CREM: variants seen among roughly 807,000 people sequenced by gnomAD.
CREM encodes the protein cAMP responsive element modulator.
Under a neutral mutation model 37.3 loss-of-function variants are expected in CREM, and 13 were observed. The observed-to-expected ratio is 0.35, with a 90% confidence interval of 0.23 to 0.55. The LOEUF (loss-of-function observed/expected upper bound fraction) is 0.55, where lower values mean the gene tolerates loss of function less well. Among genes scored for constraint, CREM ranks in the 20% least tolerant of loss-of-function variants. The pLI is 0.88. For synonymous variants in CREM, 124 were observed against 120.2 expected (o/e 1.03, Z -0.21); for missense variants, 296 against 362.3 (o/e 0.82, Z 1.49).
chr10:35,155,437 T>G (rs1252435097), intron 3 of CREM, among the ~76,000 whole-genome samples: 1 of 152,120 alleles, frequency 6.6e-6, no homozygotes, highest in East Asian at 1.9e-4. Context: ...TAGATCTGAT[T>G]AACAATAATG....
intron 5 of CREM, among the ~76,000 whole-genome samples, chr10:35,182,571 A>C (rs949616136): frequency 6.6e-6 from 1 of 152,208 alleles, no homozygotes; most frequent in Non-Finnish European, 1.5e-5. Flanking sequence ...TGTGTATCAA[A>C]GTTGAAGAAA....
At chr10:35,150,779 C>A (rs189391344) in intron 3 of CREM, among the ~76,000 whole-genome samples, 47 of 152,158 alleles carry the variant, frequency 3.1e-4, no homozygotes, top group African/African-American at 1.1e-3. Context: ...CAAGTTGGAG[C>A]CACTTCACTC....
rs60898349 is a variant in CREM at position 35,165,056 on chromosome 10, C to CAAA, written c.169-13813_169-13811dup. 2.0e-3 allele frequency among the ~76,000 whole-genome samples: 152 copies of CAAA among 74,874 alleles called. 1 individual carries two copies. The highest frequency in any genetic ancestry group is 6.2e-3 in the African/African-American group (116 of 18,820). 49.1% of individuals were successfully genotyped at this position (74,874 alleles called of 152,430 possible). A position where few individuals can be genotyped will look rare whatever the true frequency, so the allele number is the denominator to read the frequency against. ...TGGGCCACAGAGCGAGGCTCCATCT[C>CAAA]AAAAAAAAAAAAAAAAAAAAAAGAA... On this transcript the variant is annotated intron_variant, in intron 3 of 7. Transcript: ENST00000685392.
chr10:35,186,869 A>G (rs1182324355), intron 5 of CREM, among the ~76,000 whole-genome samples: 21 of 103,728 alleles, frequency 2.0e-4, no homozygotes, highest in African/African-American at 5.8e-4. Context: ...ATATAATTAT[A>G]TATTATATAT....
chr10:35,169,273 T>C (rs1262636853), intron 3 of CREM, among the ~76,000 whole-genome samples: 1 of 152,198 alleles, frequency 6.6e-6, no homozygotes, highest in African/African-American at 2.4e-5. Context: ...TTTTATTTCA[T>C]TGAGCAGTGG....
chr10:35,203,716 T>C (rs2095444415), intron 6 of CREM, among the ~76,000 whole-genome samples: 1 of 145,178 alleles, frequency 6.9e-6, no homozygotes, highest in South Asian at 2.2e-4. Flanking sequence ...AAGTAAAAAG[T>C]TTTTTTTTTT....
rs754678591 is a variant in CREM at position 35,211,752 on chromosome 10, A to G, written c.*354A>G. The G allele has an allele frequency of 3.1e-6, 5 of 1,614,028 alleles. 1 individual carries two copies. In the South Asian group the frequency reaches 4.4e-5, roughly 14 times the overall value. ...TGGAAGTCCAGAACAAGAAGCTTAT[A>G]GAGGAACTTGAAACCTTGAAAGACA... On this transcript the variant is annotated 3_prime_UTR_variant, in exon 8 of 8. Transcript: ENST00000685392.
At chr10:35,201,281 G>T (rs868476663) in intron 6 of CREM, among the ~76,000 whole-genome samples, 2 of 152,174 alleles carry the variant, frequency 1.3e-5, no homozygotes, top group South Asian at 4.1e-4. Flanking sequence ...CTAATATACG[G>T]TATAAGCATA....
At chr10:35,145,586 G>A (rs1038018539) in intron 2 of CREM, among the ~76,000 whole-genome samples, 4 of 152,072 alleles carry the variant, frequency 2.6e-5, no homozygotes, top group Non-Finnish European at 5.9e-5. Context: ...TTGAAGACCA[G>A]CGTGGCCAAC....
At chr10:35,172,677 C>G (rs1271346172) in intron 3 of CREM, among the ~76,000 whole-genome samples, 1 of 151,478 alleles carries the variant, frequency 6.6e-6, no homozygotes, top group Non-Finnish European at 1.5e-5. Flanking sequence ...TTTTGATATT[C>G]TGTGTCCTGA....
intron 1 of CREM, among the ~76,000 whole-genome samples, chr10:35,132,472 C>A (rs1002590109): frequency 1.3e-5 from 2 of 152,114 alleles, no homozygotes; most frequent in African/African-American, 4.8e-5. Flanking sequence ...TAACAGGTGT[C>A]TCAGGCAATT....
At chr10:35,159,467 A>G (rs2093154518) in intron 3 of CREM, among the ~76,000 whole-genome samples, 1 of 152,246 alleles carries the variant, frequency 6.6e-6, no homozygotes, top group South Asian at 2.1e-4. Context: ...TGGCAGGACC[A>G]CACAATGGGG....
At chr10:35,129,791 T>C (rs1053947513) in intron 1 of CREM, among the ~76,000 whole-genome samples, 3 of 152,254 alleles carry the variant, frequency 2.0e-5, no homozygotes, top group African/African-American at 7.2e-5. Context: ...ATACCGAATT[T>C]TATTGTTTCT....
chr10:35,132,187 C>CT (rs1270760962), intron 1 of CREM, among the ~76,000 whole-genome samples: 2 of 127,794 alleles, frequency 1.6e-5, no homozygotes, highest in Admixed American at 2.0e-4. Flanking sequence ...GGTGATAGAG[C>CT]GAGACTTGAG....
intron 1 of CREM, among the ~76,000 whole-genome samples, chr10:35,136,742 A>T (rs1469636057): frequency 6.6e-6 from 1 of 150,402 alleles, no homozygotes; most frequent in Non-Finnish European, 1.5e-5. Context: ...TTACTTAGGG[A>T]TGAGCACGAT....
chr10:35,160,989 G>A (rs111361221), intron 3 of CREM, among the ~76,000 whole-genome samples: 3,794 of 152,220 alleles, frequency 0.025, 156 homozygotes, highest in African/African-American at 0.087. Flanking sequence ...GATACTCGCT[G>A]AAAGACCTGC....
intron 6 of CREM, among the ~76,000 whole-genome samples, chr10:35,193,951 T>C (rs2095031395): frequency 1.3e-5 from 2 of 151,464 alleles, no homozygotes; most frequent in African/African-American, 2.4e-5. Context: ...AATACAAAAA[T>C]TAGCCAGGCA....
intron 3 of CREM, among the ~76,000 whole-genome samples, chr10:35,164,572 T>C (rs927808556): frequency 3.3e-5 from 5 of 152,234 alleles, no homozygotes; most frequent in Admixed American, 3.3e-4. Context: ...GGCATAAAAA[T>C]CTAAAATATA....
At chr10:35,189,052 C>A (rs570221001) in intron 6 of CREM, among the ~76,000 whole-genome samples, 2 of 152,264 alleles carry the variant, frequency 1.3e-5, no homozygotes, top group South Asian at 4.1e-4. Context: ...TTTCTATTAC[C>A]TAATCTATGA....
Sources: gnomAD v4.1 joint callset for allele counts (sites outside exome capture counted in the v4.1 genomes callset) on GRCh38, gnomAD v4.1.1 for gene constraint, MANE v1.5 for transcripts, NCBI Gene and HGNC (gene_info 2026-07-23, HGNC 2026-07-21) for gene names.